The following NPSR1 variants were observed in gnomAD, a reference collection of about 807,000 sequenced individuals.
NPSR1 encodes the protein neuropeptide S receptor 1, also known as neuropeptide S receptor.
NPSR1 carries 48 observed loss-of-function variants against 46.9 expected under a neutral mutation model. That is an observed-to-expected ratio of 1.02 (90% CI 0.81 to 1.30). NPSR1 has a LOEUF of 1.30. Ranked by LOEUF, NPSR1 falls within the 50% of genes most tolerant of loss-of-function variation. The pLI is 0.00. For missense variants in NPSR1, 450 were observed against 449.5 expected (o/e 1.00, Z -0.01); for synonymous variants, 176 against 168.1 (o/e 1.05, Z -0.36).
Position 34,848,529 on chromosome 7 carries a change from C to T in NPSR1, c.891C>T (p.Asp297=), listed in dbSNP as rs1045222470. The part of the protein sequence containing the change: ...WSPYFLFDIL[D]NFNLLPDTQE... ...CATACTTCCTGTTTGACATTTTGGA[C>T]AATTTCAACCTCCTTCCAGACACCC... Residue 297 remains aspartate (D), a synonymous_variant, in exon 8 of 9, where the codon GAC becomes GAT. Coordinates refer to ENST00000360581, the MANE Select transcript of NPSR1 (RefSeq NM_207172.2). 7 of 1,614,080 alleles carry T rather than the reference C, an allele frequency of 4.3e-6. No homozygotes were observed. Among genetic ancestry groups the T allele is most frequent in the Non-Finnish European group, 5.9e-6 (7 of 1,180,042 alleles).
chr7:34,790,634 A>AGG (rs1787690105), intron 3 of NPSR1, among the ~76,000 whole-genome samples: 2 of 142,802 alleles, frequency 1.4e-5, no homozygotes, highest in Non-Finnish European at 3.1e-5. Flanking sequence ...TAAAATATAT[A>AGG]ATTTATATAT....
intron 2 of NPSR1, chr7:34,751,274 T>C (rs1785509037): frequency 1.0e-6 from 1 of 971,314 alleles, no homozygotes; most frequent in Admixed American, 1.7e-5. Flanking sequence ...TTTTCTAGCA[T>C]GGTGAACAGA....
chr7:34,770,884 A>C (rs1786650952), intron 2 of NPSR1, among the ~76,000 whole-genome samples: 1 of 152,310 alleles, frequency 6.6e-6, no homozygotes, highest in East Asian at 1.9e-4. Flanking sequence ...GGTGCCTTGC[A>C]TGCTGCCTAG....
At chr7:34,747,129 C>CAAAAAAAAAAAA (rs5883471) in intron 2 of NPSR1, among the ~76,000 whole-genome samples, 4 of 106,958 alleles carry the variant, frequency 3.7e-5, no homozygotes, top group African/African-American at 3.8e-5. Context: ...ACCAAAAAAA[C>CAAAAAAAAAAAA]AAAAAAAAAA....
downstream of NPSR1, among the ~76,000 whole-genome samples, chr7:34,853,440 G>A (rs866144681): frequency 9.9e-5 from 15 of 152,128 alleles, no homozygotes; most frequent in South Asian, 8.3e-4. Context: ...AACTGTTTAG[G>A]TGCCAATCTC....
chr7:34,845,087 A>G (rs1347458893), intron 7 of NPSR1, 105 bp downstream of exon 7: 1 of 774,806 alleles, frequency 1.3e-6, no homozygotes, highest in Non-Finnish European at 2.4e-6. Flanking sequence ...AGGCACTTCT[A>G]CATCGGTCTG....
intron 2 of NPSR1, among the ~76,000 whole-genome samples, chr7:34,745,534 T>C (rs36110148): frequency 0.013 from 2,030 of 152,328 alleles, 21 homozygotes; most frequent in Non-Finnish European, 0.023. Context: ...ATTTATTTAT[T>C]TAGAGATAGA....
intron 3 of NPSR1, among the ~76,000 whole-genome samples, chr7:34,789,926 T>C (rs1787652803): frequency 6.6e-6 from 1 of 151,960 alleles, no homozygotes; most frequent in Non-Finnish European, 1.5e-5. Flanking sequence ...ATGGCTTCAC[T>C]GCAAAATTCT....
chr7:34,746,923 G>A (rs10251694), intron 2 of NPSR1, among the ~76,000 whole-genome samples: 46,122 of 151,750 alleles, frequency 0.3, 7,515 homozygotes, highest in East Asian at 0.44. Flanking sequence ...TCAAGAGATC[G>A]AGACCATTCT....
intron 3 of NPSR1, among the ~76,000 whole-genome samples, chr7:34,807,895 C>G (rs1029214090): frequency 1.3e-5 from 2 of 151,784 alleles, no homozygotes; most frequent in South Asian, 2.1e-4. Context: ...CCCTACCCCC[C>G]ACCACCACCA....
rs1562729646 is a variant in NPSR1, at chr7:34,790,846, T to TAG, written c.384+12281_384+12282insAG. On this transcript the variant is annotated intron_variant, in intron 3 of 8. Coordinates refer to ENST00000360581, the MANE Select transcript of NPSR1 (RefSeq NM_207172.2). ...TAGGTTATATGTTATGTTATATATA[T>TAG]GTTATATGTTATGTTATATATGTTA... is the stretch of plus-strand genomic sequence containing the variant. Among the ~76,000 whole-genome samples the TAG allele has an allele frequency of 4.8e-5, 5 of 105,004 alleles. 1 individual carries two copies. Among genetic ancestry groups the TAG allele is most frequent in the African/African-American group, 1.9e-4 (5 of 26,904 alleles). 68.9% of individuals were successfully genotyped at this position (105,004 alleles called of 152,430 possible).
chr7:34,737,105 A>G (rs1784714125), intron 2 of NPSR1, among the ~76,000 whole-genome samples: 1 of 151,552 alleles, frequency 6.6e-6, no homozygotes, highest in Non-Finnish European at 1.5e-5. Context: ...GAATGTCCTC[A>G]CTCCCTGGCC....
chr7:34,764,112 GAATCA>G (rs1554324770), intron 2 of NPSR1, among the ~76,000 whole-genome samples: 6 of 152,114 alleles, frequency 3.9e-5, no homozygotes, highest in Non-Finnish European at 5.9e-5. Flanking sequence ...ATGCAAAAAA[GAATCA>G]AATCAAATCA....
Position 34,822,952 on chromosome 7 carries a change from TAAA to T in NPSR1, c.479-4446_479-4444del, listed in dbSNP as rs1789626847. On this transcript the variant is annotated intron_variant, in intron 4 of 8. Coordinates refer to ENST00000360581, the MANE Select transcript of NPSR1 (RefSeq NM_207172.2). ...AATAATAAATATCCATAAACAAACT[TAAA>T]AAGCAAAATTATAAATGGAAAATAT... Among the ~76,000 whole-genome samples the T allele has an allele frequency of 2.0e-5, 3 of 152,240 alleles. No homozygotes were observed. The South Asian group carries it at 6.2e-4, about 32-fold the overall frequency.
chr7:34,832,826 G>A (rs1326865898), intron 5 of NPSR1, among the ~76,000 whole-genome samples: 1 of 152,158 alleles, frequency 6.6e-6, no homozygotes, highest in Non-Finnish European at 1.5e-5. Flanking sequence ...ACTTTCCATG[G>A]TGAGTGTAAC....
intron 2 of NPSR1, among the ~76,000 whole-genome samples, chr7:34,765,754 C>A (rs1786397817): frequency 6.6e-6 from 1 of 152,190 alleles, no homozygotes; most frequent in Non-Finnish European, 1.5e-5. Flanking sequence ...TTTACAGCAA[C>A]TTGGATGCAT....
At chr7:34,779,239 T>C (rs1377649926) in intron 3 of NPSR1, among the ~76,000 whole-genome samples, 2 of 152,012 alleles carry the variant, frequency 1.3e-5, no homozygotes, top group Non-Finnish European at 2.9e-5. Context: ...CTTGTTAATA[T>C]GCATTAGATG....
chr7:34,796,381 A>T (rs1788171402), intron 3 of NPSR1, among the ~76,000 whole-genome samples: 1 of 152,168 alleles, frequency 6.6e-6, no homozygotes, highest in Non-Finnish European at 1.5e-5. Flanking sequence ...GCAAAAGGCA[A>T]ATGAGAAGCA....
At chr7:34,839,230 G>A (rs1237512971) in intron 6 of NPSR1, among the ~76,000 whole-genome samples, 1 of 152,176 alleles carries the variant, frequency 6.6e-6, no homozygotes, top group Non-Finnish European at 1.5e-5. Flanking sequence ...TGGATAGTAA[G>A]GTTCAATATC....
Sources: allele counts gnomAD v4.1 joint callset (sites outside exome capture counted in the v4.1 genomes callset), GRCh38; gene constraint gnomAD v4.1.1; transcripts MANE v1.5; gene names NCBI Gene and HGNC (gene_info 2026-07-23, HGNC 2026-07-21).